Variants in XIRP2 observed in about 807,000 individuals in gnomAD.
XIRP2 encodes the protein xin actin binding repeat containing 2, also known as xin actin-binding repeat-containing protein 2.
Under a neutral mutation model 277.0 loss-of-function variants are expected in XIRP2, and 236 were observed. That is an observed-to-expected ratio of 0.85 (90% CI 0.77 to 0.95). The LOEUF is 0.95. Among genes scored for constraint, XIRP2 ranks in the 40% least tolerant of loss-of-function variants. The pLI is 0.00. For missense variants in XIRP2, 4,640 were observed against 4,157.5 expected, an observed-to-expected ratio of 1.12 and a Z score of -3.19; for synonymous variants, 1,490 against 1,416.5, an observed-to-expected ratio of 1.05 and a Z score of -1.17.
intron 2 of XIRP2, among the ~76,000 whole-genome samples, chr2:167,008,304 T>A (rs1672533291): frequency 6.6e-6 from 1 of 151,606 alleles, no homozygotes; most frequent in South Asian, 2.1e-4. Context: ...GTATTATCAG[T>A]TTCTTCAATT....
At chr2:167,183,991 G>T (rs2105359672) in intron 3 of XIRP2, among the ~76,000 whole-genome samples, 1 of 152,188 alleles carries the variant, frequency 6.6e-6, no homozygotes, top group South Asian at 2.1e-4. Flanking sequence ...GAGTCTGCAG[G>T]AATCCCTGCT....
rs573504676 is a variant in XIRP2 at position 166,970,599 on chromosome 2, C to G, written c.408+66709C>G. Among the ~76,000 whole-genome samples the G allele has an allele frequency of 4.6e-5, 7 of 151,644 alleles. No homozygotes were observed. The South Asian group carries it at 1.2e-3, about 27-fold the overall frequency. ...CTCATTTCTAGATTTTTTTTAACTT[C>G]AAGAAGAACACAATGGTTGTATTCT... is the stretch of plus-strand genomic sequence containing the variant. On this transcript the variant is annotated intron_variant, in intron 2 of 10. Coordinates refer to ENST00000409195, the MANE Select transcript of XIRP2 (RefSeq NM_152381.6).
At chr2:166,978,153 A>G (rs1686765310) in intron 2 of XIRP2, among the ~76,000 whole-genome samples, 1 of 151,996 alleles carries the variant, frequency 6.6e-6, no homozygotes, top group African/African-American at 2.4e-5. Flanking sequence ...ATCATGTTGC[A>G]TTGGCGCTTT....
chr2:167,233,339 G>A (rs912557542), intron 5 of XIRP2, among the ~76,000 whole-genome samples: 5 of 151,866 alleles, frequency 3.3e-5, no homozygotes, highest in African/African-American at 1.2e-4. Context: ...GCAATCAAGA[G>A]CCATTGAAGC....
intron 2 of XIRP2, among the ~76,000 whole-genome samples, chr2:167,118,024 A>G (rs1456352766): frequency 1.3e-5 from 2 of 152,192 alleles, no homozygotes; most frequent in Non-Finnish European, 2.9e-5. Context: ...TTAGAAATCA[A>G]TATCTGGCTT....
chr2:167,021,944 T>C (rs980147610), intron 2 of XIRP2, among the ~76,000 whole-genome samples: 6 of 152,122 alleles, frequency 3.9e-5, no homozygotes, highest in African/African-American at 1.4e-4. Context: ...TTTTCTGTAT[T>C]TCACCATATT....
chr2:167,206,954 G>T (rs906480565), intron 3 of XIRP2, among the ~76,000 whole-genome samples: 4 of 152,126 alleles, frequency 2.6e-5, no homozygotes, highest in Non-Finnish European at 5.9e-5. Flanking sequence ...AAATAAGATT[G>T]TGAACCCAGA....
At position 167,064,596 on chromosome 2, in the gene XIRP2, A is replaced by G. The variant is rs144422651; in HGVS notation, c.409-71313A>G. On this transcript the variant is annotated intron_variant, in intron 2 of 10. Coordinates refer to ENST00000409195, the MANE Select transcript of XIRP2 (RefSeq NM_152381.6). ...TTAAGGGTATTCACACTGCTTTGCA[A>G]CCAATCCCCAGAACTTTTCTCATTT... is the stretch of plus-strand genomic sequence containing the variant. Among the ~76,000 whole-genome samples the G allele has an allele frequency of 7.0e-3, 1,071 of 152,012 alleles. 13 individuals carry two copies. The highest frequency in any genetic ancestry group is 0.024 in the African/African-American group (1,013 of 41,534).
chr2:167,249,947 T>A lies in XIRP2; in HGVS notation c.8555T>A (p.Val2852Asp). 6.2e-7 allele frequency: 1 copy of A among 1,613,482 alleles called. No homozygotes were observed. Among genetic ancestry groups the A allele is most frequent in the Non-Finnish European group, 8.5e-7 (1 of 1,179,686 alleles). ...EHLKNKSAPK[V>D]VKQKVIDAHL... ...CTGAAGAATAAATCAGCACCAAAGG[T>A]CGTCAAGCAAAAGGTTATCGATGCA... is the stretch of plus-strand genomic sequence containing the variant. Residue 2852 changes from valine (V) to aspartate (D), a missense_variant, in exon 9 of 11, where the codon GTC (valine) becomes GAC (aspartate). Physicochemically the swap from Val to Asp is radical, Grantham distance 152. Coordinates refer to ENST00000409195, the MANE Select transcript of XIRP2 (RefSeq NM_152381.6).
chr2:167,234,246 A>T (rs1694837888), intron 5 of XIRP2, among the ~76,000 whole-genome samples: 2 of 151,568 alleles, frequency 1.3e-5, no homozygotes, highest in Non-Finnish European at 3.0e-5. Flanking sequence ...AATCGTTTTG[A>T]GTCAAAGAAG....
chr2:167,027,062 T>G (rs1688182675), intron 2 of XIRP2, among the ~76,000 whole-genome samples: 1 of 152,256 alleles, frequency 6.6e-6, no homozygotes, highest in East Asian at 1.9e-4. Flanking sequence ...CCTTTATAGA[T>G]TGGGGAAGTT....
chr2:166,898,357 C>G (rs527928960), intron 1 of XIRP2, among the ~76,000 whole-genome samples: 1 of 152,122 alleles, frequency 6.6e-6, no homozygotes, highest in Non-Finnish European at 1.5e-5. Context: ...GTGGATCTTG[C>G]AACAGAATGC....
At chr2:167,115,622 A>AG (rs1409248552) in intron 2 of XIRP2, among the ~76,000 whole-genome samples, 1 of 152,020 alleles carries the variant, frequency 6.6e-6, no homozygotes, top group Non-Finnish European at 1.5e-5. Context: ...TGGGTCTTGG[A>AG]GGGGCCTCTT....
At chr2:166,914,558 T>A in intron 2 of XIRP2, among the ~76,000 whole-genome samples, 1 of 152,084 alleles carries the variant, frequency 6.6e-6, no homozygotes, top group South Asian at 2.1e-4. Context: ...GCCAGGATGA[T>A]CTTGATCTCC....
chr2:167,174,220 T>C (rs111663403), intron 3 of XIRP2, among the ~76,000 whole-genome samples: 15,019 of 152,208 alleles, frequency 0.099, 793 homozygotes, highest in South Asian at 0.15. Flanking sequence ...TCTGGTAGAA[T>C]TCGGCTGTGA....
In XIRP2 at chr2:167,246,813, C is replaced by T; in HGVS notation, c.5421C>T (p.Asp1807=). The change falls in exon 9 of 11, where the codon GAC becomes GAT. Residue 1807 remains aspartate (D), a synonymous_variant. Coordinates refer to ENST00000409195, the MANE Select transcript of XIRP2 (RefSeq NM_152381.6). ...TTGAACGTACTGTTAGTGAAACTGA[C>T]ATCATCCCTGGAGATGTGCATAACA... ...SLVERTVSET[D]IIPGDVHNTV... is the part of the protein sequence containing the mutation. 1.2e-6 allele frequency: 2 copies of T among 1,613,836 alleles called. No individual in the cohort carries two copies. The highest frequency in any genetic ancestry group is 1.1e-5 in the South Asian group (1 of 91,078).
chr2:167,241,213 G>T (rs1695054835), intron 7 of XIRP2, among the ~76,000 whole-genome samples: 3 of 151,236 alleles, frequency 2.0e-5, no homozygotes, highest in South Asian at 2.1e-4. Context: ...AAAATGGAAT[G>T]GGTTTTGCTA....
intron 2 of XIRP2, among the ~76,000 whole-genome samples, chr2:166,960,375 A>G (rs1043821228): frequency 6.6e-6 from 1 of 151,772 alleles, no homozygotes; most frequent in African/African-American, 2.4e-5. Flanking sequence ...GAACAGTTGT[A>G]CTTATAAAAA....
At chr2:167,168,369 A>G (rs888873018) in intron 3 of XIRP2, among the ~76,000 whole-genome samples, 3 of 151,746 alleles carry the variant, frequency 2.0e-5, no homozygotes, top group African/African-American at 7.3e-5. Context: ...GAGTCCCATT[A>G]CATTTTTTTT....
Sources: gnomAD v4.1 joint callset for allele counts (sites outside exome capture counted in the v4.1 genomes callset) on GRCh38, gnomAD v4.1.1 for gene constraint, MANE v1.5 for transcripts, NCBI Gene and HGNC (gene_info 2026-07-23, HGNC 2026-07-21) for gene names.